CUL5: variants seen among roughly 807,000 people sequenced by gnomAD.
CUL5 encodes cullin-5.
In CUL5, 26 loss-of-function variants were observed where a neutral mutation model predicts 108.8. That is an observed-to-expected ratio of 0.24 (90% CI 0.18 to 0.33). The LOEUF (loss-of-function observed/expected upper bound fraction) is 0.33. Ranked by LOEUF, CUL5 falls within the 10% of genes least tolerant of loss-of-function variation. The pLI is 1.00. For synonymous variants in CUL5, 334 were observed against 298.0 expected, an observed-to-expected ratio of 1.12 and a Z score of -1.25; for missense variants, 524 against 909.2, an observed-to-expected ratio of 0.58 and a Z score of 5.45.
intron 11 of CUL5, among the ~76,000 whole-genome samples, chr11:108,079,793 A>G (rs1864028320): frequency 6.6e-6 from 1 of 152,204 alleles, no homozygotes; most frequent in South Asian, 2.1e-4. Flanking sequence ...TAATTCCCTC[A>G]ATATAGATTA....
In CUL5 at chr11:108,101,951, T is replaced by C. The variant is rs531936641; in HGVS notation, c.2149-2239T>C. On this transcript the variant is annotated intron_variant, in intron 18 of 18. Transcript: ENST00000393094. ...ATTTATGATGATCAGGAGCCTGGTA[T>C]CTGAATACCATCAAGGGTGAGAGGA... 1.2e-4 allele frequency among the ~76,000 whole-genome samples: 18 copies of C among 152,370 alleles called. No homozygotes were observed. In the South Asian group the frequency reaches 2.7e-3, roughly 23 times the overall value.
intron 3 of CUL5, among the ~76,000 whole-genome samples, chr11:108,048,570 C>T (rs1261715675): frequency 6.6e-6 from 1 of 150,434 alleles, no homozygotes; most frequent in Non-Finnish European, 1.5e-5. Context: ...TTCACTGTTA[C>T]ATCGGTGGCA....
Position 108,105,154 on chromosome 11 carries a change from A to T in CUL5, c.*770A>T, listed in dbSNP as rs1864762456. On this transcript the variant is annotated 3_prime_UTR_variant, in exon 19 of 19. Transcript: ENST00000393094. ...GTTGCTTCAATAGTTTAAAAAATTT[A>T]TGGAGATAGGTAGGTCATTATGATT... 6.6e-6 allele frequency: 1 copy of T among 152,128 alleles called. No homozygotes were observed. The highest frequency in any genetic ancestry group is 1.9e-4 in the East Asian group (1 of 5,186). 9.4% of individuals were successfully genotyped at this position (152,128 alleles called of 1,614,324 possible).
intron 1 of CUL5, among the ~76,000 whole-genome samples, chr11:108,021,625 CT>C: frequency 6.6e-6 from 1 of 152,154 alleles, no homozygotes; most frequent in East Asian, 1.9e-4. Flanking sequence ...GCTGTTGGGA[CT>C]ACTGGTGTGC....
chr11:108,070,596 C>T (rs902148631), intron 8 of CUL5, among the ~76,000 whole-genome samples: 34 of 141,650 alleles, frequency 2.4e-4, no homozygotes, highest in Admixed American at 1.5e-4. Flanking sequence ...TCTCTGTCCC[C>T]CAAAATACTT....
chr11:108,017,046 G>T (rs181620545), intron 1 of CUL5, among the ~76,000 whole-genome samples: 4 of 152,212 alleles, frequency 2.6e-5, no homozygotes, highest in African/African-American at 9.6e-5. Context: ...TGTAGCTGTG[G>T]TTTGTTCATT....
At chr11:108,089,115 A>C (rs1411983240) in intron 12 of CUL5, among the ~76,000 whole-genome samples, 1 of 152,174 alleles carries the variant, frequency 6.6e-6, no homozygotes, top group Non-Finnish European at 1.5e-5. Flanking sequence ...AAAAAATAAG[A>C]TATTGGGCAA....
intron 1 of CUL5, among the ~76,000 whole-genome samples, chr11:108,032,669 A>G (rs2135084858): frequency 6.6e-6 from 1 of 152,126 alleles, no homozygotes; most frequent in Admixed American, 6.5e-5. Flanking sequence ...CCAGAGATAA[A>G]CTGTATGATT....
At chr11:108,063,342 T>C (rs1050061982) in intron 7 of CUL5, among the ~76,000 whole-genome samples, 2 of 152,202 alleles carry the variant, frequency 1.3e-5, no homozygotes, top group African/African-American at 4.8e-5. Flanking sequence ...TAACACAGTG[T>C]TCTCCAGTTT....
At chr11:108,097,090 T>C (rs1315340236) in intron 16 of CUL5, among the ~76,000 whole-genome samples, 1 of 152,148 alleles carries the variant, frequency 6.6e-6, no homozygotes, top group Non-Finnish European at 1.5e-5. Context: ...CAATCTCAGC[T>C]CACTGCAACC....
At chr11:108,014,046 G>A (rs1862120596) in intron 1 of CUL5, among the ~76,000 whole-genome samples, 1 of 152,146 alleles carries the variant, frequency 6.6e-6, no homozygotes, top group South Asian at 2.1e-4. Flanking sequence ...AGAGTAAAAG[G>A]TACTAATGAT....
intron 1 of CUL5, among the ~76,000 whole-genome samples, chr11:108,024,809 G>A (rs187691746): frequency 3.9e-5 from 6 of 152,282 alleles, no homozygotes; most frequent in Admixed American, 2.6e-4. Flanking sequence ...AAATCTTGGA[G>A]TGGAATGATT....
intron 11 of CUL5, among the ~76,000 whole-genome samples, chr11:108,083,352 T>C (rs1864145397): frequency 1.3e-5 from 2 of 152,252 alleles, no homozygotes; most frequent in African/African-American, 4.8e-5. Flanking sequence ...CTATTACTGT[T>C]AGTGCTACAG....
At chr11:108,024,056 T>C (rs1008408455) in intron 1 of CUL5, among the ~76,000 whole-genome samples, 7 of 152,322 alleles carry the variant, frequency 4.6e-5, no homozygotes, top group Admixed American at 3.9e-4. Flanking sequence ...CTAAGCCTGA[T>C]GAAATTAAGC....
intron 3 of CUL5, 134 bp downstream of exon 3, chr11:108,046,503 A>G (rs1404170513): frequency 1.8e-6 from 1 of 559,412 alleles, no homozygotes; most frequent in African/African-American, 1.9e-5. Flanking sequence ...TGTTAAATAA[A>G]TTTATTAATG....
chr11:108,069,943 A>G (rs1201723427), intron 7 of CUL5, among the ~76,000 whole-genome samples, 153 bp from the exon 8 acceptor site: 2 of 152,176 alleles, frequency 1.3e-5, no homozygotes, highest in Non-Finnish European at 2.9e-5. Flanking sequence ...AGTATAGCAT[A>G]TCCATCTTCA....
intron 18 of CUL5, among the ~76,000 whole-genome samples, chr11:108,100,200 T>A (rs1170289458): frequency 6.6e-6 from 1 of 152,072 alleles, no homozygotes; most frequent in Non-Finnish European, 1.5e-5. Flanking sequence ...ACGAAAATAT[T>A]TTAAAAATCT....
intron 1 of CUL5, among the ~76,000 whole-genome samples, chr11:108,030,264 AG>A (rs1361739676): frequency 3.3e-5 from 5 of 152,266 alleles, no homozygotes; most frequent in African/African-American, 1.2e-4. Context: ...TAAGGTAAAA[AG>A]AAACTAGTTG....
intron 11 of CUL5, among the ~76,000 whole-genome samples, chr11:108,082,286 G>GTT (rs756231516): frequency 1.1e-3 from 130 of 122,390 alleles, no homozygotes; most frequent in African/African-American, 2.5e-3. Context: ...CTTTCTTTCT[G>GTT]TTTTTTTTTT....
Sources: allele counts gnomAD v4.1 joint callset (sites outside exome capture counted in the v4.1 genomes callset), GRCh38; gene constraint gnomAD v4.1.1; transcripts MANE v1.5; gene names NCBI Gene and HGNC (gene_info 2026-07-23, HGNC 2026-07-21).